Variants in RAB3C observed in about 807,000 individuals in gnomAD.
RAB3C encodes the protein RAB3C, member RAS oncogene family.
RAB3C carries 17 observed loss-of-function variants against 26.4 expected under a neutral mutation model. The observed-to-expected ratio is 0.64, with a 90% confidence interval of 0.44 to 0.97. The LOEUF (loss-of-function observed/expected upper bound fraction) is 0.97, where lower values mean the gene tolerates loss of function less well. Ranked by LOEUF, RAB3C falls within the 50% of genes least tolerant of loss-of-function variation. The pLI is 0.00. For missense variants in RAB3C, 242 were observed against 281.9 expected (o/e 0.86, Z 1.01); for synonymous variants, 91 against 95.9 (o/e 0.95, Z 0.30).
chr5:58,583,600 G>T (rs17712820), intron 1 of RAB3C, among the ~76,000 whole-genome samples: 48,469 of 152,024 alleles, frequency 0.32, 8,703 homozygotes, highest in Middle Eastern at 0.44. Flanking sequence ...CGGATTTAAG[G>T]CAGATAGATC....
intron 2 of RAB3C, among the ~76,000 whole-genome samples, chr5:58,716,051 A>G (rs1413739683): frequency 1.4e-5 from 2 of 146,932 alleles, no homozygotes; most frequent in Non-Finnish European, 3.0e-5. Context: ...AAAAGGAAAA[A>G]AAATAATAAA....
chr5:58,822,901 T>C (rs748862946), intron 3 of RAB3C: 9 of 638,678 alleles, frequency 1.4e-5, no homozygotes, highest in Non-Finnish European at 2.4e-5. Flanking sequence ...ATTAATGTGA[T>C]GTGGAAAGCA....
At chr5:58,615,211 T>A (rs1746798799) in intron 1 of RAB3C, among the ~76,000 whole-genome samples, 1 of 152,148 alleles carries the variant, frequency 6.6e-6, no homozygotes, top group South Asian at 2.1e-4. Flanking sequence ...GGCCTCAGTT[T>A]GAATGCCACC....
At chr5:58,712,109 C>T (rs958004715) in intron 2 of RAB3C, among the ~76,000 whole-genome samples, 1 of 152,162 alleles carries the variant, frequency 6.6e-6, no homozygotes, top group Non-Finnish European at 1.5e-5. Flanking sequence ...CCAACCGTCC[C>T]CGTTCCTGGA....
chr5:58,785,349 A>G (rs73757979), intron 3 of RAB3C, among the ~76,000 whole-genome samples: 1 of 152,204 alleles, frequency 6.6e-6, no homozygotes, highest in Non-Finnish European at 1.5e-5. Context: ...AATGTGCAGG[A>G]CAGATTGGCA....
At chr5:58,695,733 T>G (rs1306266903) in intron 2 of RAB3C, among the ~76,000 whole-genome samples, 1 of 152,208 alleles carries the variant, frequency 6.6e-6, no homozygotes. Context: ...TTGTCTGTTA[T>G]TGGTGTATAG....
chr5:58,838,603 G>A (rs1478159897), intron 4 of RAB3C, among the ~76,000 whole-genome samples: 1 of 151,594 alleles, frequency 6.6e-6, no homozygotes, highest in Admixed American at 6.6e-5. Context: ...CTTGTTTTGT[G>A]TTCTAATATA....
At chr5:58,646,646 AG>A (rs936963903) in intron 2 of RAB3C, among the ~76,000 whole-genome samples, 1 of 152,078 alleles carries the variant, frequency 6.6e-6, no homozygotes, top group Non-Finnish European at 1.5e-5. Flanking sequence ...CGTGGAGGGC[AG>A]GGCACACAGT....
At chr5:58,737,292 T>C (rs914313481) in intron 3 of RAB3C, among the ~76,000 whole-genome samples, 1 of 150,970 alleles carries the variant, frequency 6.6e-6, no homozygotes, top group Non-Finnish European at 1.5e-5. Flanking sequence ...CAGGAAGGCC[T>C]TTTTTTCTTC....
At chr5:58,724,671 C>T (rs1338792274) in intron 2 of RAB3C, among the ~76,000 whole-genome samples, 14 of 151,400 alleles carry the variant, frequency 9.2e-5, no homozygotes, top group Non-Finnish European at 1.5e-4. Context: ...GTACTTTGAG[C>T]GGGTTCTTTA....
At chr5:58,751,021 A>G (rs1464089132) in intron 3 of RAB3C, among the ~76,000 whole-genome samples, 1 of 151,934 alleles carries the variant, frequency 6.6e-6, no homozygotes, top group Non-Finnish European at 1.5e-5. Context: ...CACCCAGCTA[A>G]TTTTTGTATT....
chr5:58,735,915 T>C lies in RAB3C; in HGVS notation c.371+9795T>C, dbSNP rs538395549. 4.3e-4 allele frequency among the ~76,000 whole-genome samples: 65 copies of C among 152,240 alleles called. No individual in the cohort carries two copies. The Middle Eastern group carries it at 0.01, about 24-fold the overall frequency. On this transcript the variant is annotated intron_variant, in intron 3 of 4. Transcript: ENST00000282878. ...GAGAACAAAAGCCCCTTATTCCTGA[T>C]AGAGCTTTCCCAATCTCCAGCCAAT...
intron 1 of RAB3C, among the ~76,000 whole-genome samples, chr5:58,587,380 T>G (rs1746034766): frequency 6.6e-6 from 1 of 152,114 alleles, no homozygotes; most frequent in South Asian, 2.1e-4. Flanking sequence ...AAATGTTCTT[T>G]TATATAGATT....
intron 2 of RAB3C, among the ~76,000 whole-genome samples, chr5:58,634,162 G>C (rs992146502): frequency 1.3e-5 from 2 of 151,696 alleles, no homozygotes; most frequent in African/African-American, 4.8e-5. Flanking sequence ...AAAATTGTTT[G>C]TTTGTACTCC....
intron 1 of RAB3C, among the ~76,000 whole-genome samples, chr5:58,596,607 T>C (rs1434832764): frequency 8.9e-6 from 1 of 112,916 alleles, no homozygotes; most frequent in East Asian, 2.4e-4. Flanking sequence ...ATATTATATA[T>C]AAATATATAA....
intron 3 of RAB3C, among the ~76,000 whole-genome samples, chr5:58,760,251 G>C (rs1156958648): frequency 6.6e-6 from 1 of 152,044 alleles, no homozygotes; most frequent in Non-Finnish European, 1.5e-5. Flanking sequence ...CCTCTTACTT[G>C]TTGTCTACCA....
At chr5:58,665,181 T>C (rs1747978627) in intron 2 of RAB3C, among the ~76,000 whole-genome samples, 1 of 152,188 alleles carries the variant, frequency 6.6e-6, no homozygotes, top group African/African-American at 2.4e-5. Flanking sequence ...AAAGTATTCA[T>C]ATCTTTATGA....
intron 3 of RAB3C, among the ~76,000 whole-genome samples, chr5:58,767,690 CAG>C (rs1170559124): frequency 2.0e-5 from 3 of 152,132 alleles, no homozygotes; most frequent in African/African-American, 7.2e-5. Flanking sequence ...GTTAGGTACT[CAG>C]TGGATTGGAA....
chr5:58,651,423 T>C lies in RAB3C; in HGVS notation c.252+33553T>C, dbSNP rs549268633. 5.3e-5 allele frequency among the ~76,000 whole-genome samples: 8 copies of C among 152,270 alleles called. No homozygotes were observed. The South Asian group carries it at 8.3e-4, about 16-fold the overall frequency. On this transcript the variant is annotated intron_variant, in intron 2 of 4. Transcript: ENST00000282878. The stretch of plus-strand genomic sequence containing the variant: ...GGTGATGGTAATGGTAGAGGTGATA[T>C]TCACTCCAGGGGGTGCACGAGATAA...
Sources: allele counts gnomAD v4.1 joint callset (sites outside exome capture counted in the v4.1 genomes callset), GRCh38; gene constraint gnomAD v4.1.1; transcripts MANE v1.5; gene names NCBI Gene and HGNC (gene_info 2026-07-23, HGNC 2026-07-21).